Variants in GPC5 observed in about 807,000 individuals in gnomAD.
GPC5 encodes the protein glypican 5, also known as glypican-5.
In GPC5, 47 loss-of-function variants were observed where a neutral mutation model predicts 53.9. That is an observed-to-expected ratio of 0.87 (90% CI 0.69 to 1.11). The LOEUF is 1.11. GPC5 is among the 50% of genes most tolerant of loss of function. GPC5 has a pLI of 0.00. For missense variants in GPC5, 748 were observed against 713.1 expected, an observed-to-expected ratio of 1.05 and a Z score of -0.56; for synonymous variants, 286 against 263.3, an observed-to-expected ratio of 1.09 and a Z score of -0.84.
rs182620297 is a variant in GPC5, at chr13:92,550,292, C to T, written c.1562-315990C>T. Among the ~76,000 whole-genome samples the T allele has an allele frequency of 2.0e-3, 307 of 151,954 alleles. 8 individuals carry two copies. Among genetic ancestry groups the T allele is most frequent in the Admixed American group, 0.018 (282 of 15,244 alleles). On this transcript the variant is annotated intron_variant, in intron 7 of 7. Transcript: ENST00000377067. ...CATTATTATCCAGGTCAACAACCTA[C>T]ATTATTCATTAAATTACTCCATGGG... is the stretch of plus-strand genomic sequence containing the variant.
intron 2 of GPC5, among the ~76,000 whole-genome samples, chr13:91,497,382 T>C (rs1436833070): frequency 6.6e-6 from 1 of 152,196 alleles, no homozygotes; most frequent in East Asian, 1.9e-4. Flanking sequence ...CTAGCAACTT[T>C]GTTAATTCCT....
intron 5 of GPC5, among the ~76,000 whole-genome samples, chr13:91,855,065 C>T (rs1313760197): frequency 1.3e-5 from 2 of 151,716 alleles, no homozygotes; most frequent in Admixed American, 6.6e-5. Context: ...ATCTCTGTTA[C>T]TATTTTAAAA....
At chr13:92,733,133 A>AAGAT (rs1888851079) in intron 7 of GPC5, among the ~76,000 whole-genome samples, 1 of 151,740 alleles carries the variant, frequency 6.6e-6, no homozygotes, top group Admixed American at 6.6e-5. Context: ...TGGTTTGAAG[A>AAGAT]AGATAGAATT....
intron 6 of GPC5, among the ~76,000 whole-genome samples, chr13:92,074,113 G>C (rs746323234): frequency 1.6e-4 from 24 of 152,126 alleles, no homozygotes; most frequent in Non-Finnish European, 2.9e-4. Context: ...CTGAAACATC[G>C]TGAGTGAATA....
At position 92,165,168 on chromosome 13, in the gene GPC5, T is replaced by C. The variant is rs183817269; in HGVS notation, c.1561+20179T>C. ...TTAACATTTGGCTACTCATTACTTGTGCAAATTTCTGCAGTCTGCTTGAAT... is the reference window on the plus strand; with the variant it reads ...TTAACATTTGGCTACTCATTACTTGCGCAAATTTCTGCAGTCTGCTTGAAT... On this transcript the variant is annotated intron_variant, in intron 7 of 7. Transcript: ENST00000377067. Among the ~76,000 whole-genome samples the C allele has an allele frequency of 7.2e-5, 11 of 152,338 alleles. No individual in the cohort carries two copies. In the East Asian group the frequency reaches 2.1e-3, roughly 29 times the overall value.
chr13:92,761,821 G>A (rs184591961), intron 7 of GPC5, among the ~76,000 whole-genome samples: 93 of 151,968 alleles, frequency 6.1e-4, no homozygotes, highest in Middle Eastern at 3.4e-3. Context: ...CTTTATCTCC[G>A]AGATTTGGTT....
intron 6 of GPC5, 81 bp from the exon 7 acceptor site, chr13:92,144,749 A>T: frequency 7.3e-7 from 1 of 1,376,390 alleles, no homozygotes; most frequent in Non-Finnish European, 1.0e-6. Context: ...TAACAAAATA[A>T]TTCTAAATAA....
At chr13:92,350,953 G>C (rs1057358968) in intron 7 of GPC5, among the ~76,000 whole-genome samples, 1 of 151,956 alleles carries the variant, frequency 6.6e-6, no homozygotes, top group Non-Finnish European at 1.5e-5. Flanking sequence ...TAACTTGAAA[G>C]TTTTGATGAA....
chr13:91,811,484 G>A (rs2038311209), intron 5 of GPC5, among the ~76,000 whole-genome samples: 1 of 152,092 alleles, frequency 6.6e-6, no homozygotes, highest in African/African-American at 2.4e-5. Context: ...AAATAATTGT[G>A]TAGAGACAAT....
intron 2 of GPC5, among the ~76,000 whole-genome samples, chr13:91,465,896 A>G (rs1882206454): frequency 6.6e-6 from 1 of 152,222 alleles, no homozygotes; most frequent in Admixed American, 6.5e-5. Flanking sequence ...AATAAAAATA[A>G]CAGCTTCATC....
intron 5 of GPC5, among the ~76,000 whole-genome samples, chr13:91,856,991 A>G (rs1264542665): frequency 6.6e-6 from 1 of 150,516 alleles, no homozygotes; most frequent in African/African-American, 2.4e-5. Flanking sequence ...AAGTGATTCT[A>G]TCATTTATTG....
rs370219047 is a variant in GPC5 at position 92,151,719 on chromosome 13, T to C, written c.1561+6730T>C. Among the ~76,000 whole-genome samples the C allele has an allele frequency of 2.0e-5, 3 of 152,312 alleles. No homozygotes were observed. The South Asian group carries it at 6.2e-4, about 32-fold the overall frequency. On this transcript the variant is annotated intron_variant, in intron 7 of 7. Transcript: ENST00000377067. The stretch of plus-strand genomic sequence containing the variant: ...AGTACCTCTGGTATCTCAGCAGAAA[T>C]GTTTCACATTTATCAACTCTTCCAT...
intron 2 of GPC5, among the ~76,000 whole-genome samples, chr13:91,550,656 C>T (rs569724889): frequency 2.6e-5 from 4 of 152,058 alleles, no homozygotes; most frequent in Admixed American, 6.6e-5. Context: ...AGTAGCGTGG[C>T]CTTGAATAAA....
chr13:92,789,731 G>T (rs2098617838), intron 7 of GPC5, among the ~76,000 whole-genome samples: 1 of 151,980 alleles, frequency 6.6e-6, no homozygotes, highest in South Asian at 2.1e-4. Context: ...GAAACTGAAG[G>T]TGTCTTAGGG....
At chr13:91,721,660 C>G (rs2036477051) in intron 3 of GPC5, among the ~76,000 whole-genome samples, 1 of 152,144 alleles carries the variant, frequency 6.6e-6, no homozygotes, top group Non-Finnish European at 1.5e-5. Flanking sequence ...CTCCCCAGTA[C>G]TATGTGGCAT....
chr13:92,755,542 C>A (rs1340529180), intron 7 of GPC5, among the ~76,000 whole-genome samples: 4 of 151,466 alleles, frequency 2.6e-5, no homozygotes, highest in Admixed American at 6.6e-5. Context: ...AATCCAGGAG[C>A]TGGTTTTTTG....
chr13:91,663,682 T>C (rs2035039234), intron 2 of GPC5, among the ~76,000 whole-genome samples: 1 of 152,146 alleles, frequency 6.6e-6, no homozygotes, highest in Non-Finnish European at 1.5e-5. Context: ...AAGGATGGTC[T>C]CTAACTCCTG....
At chr13:92,118,924 A>G (rs2041622410) in intron 6 of GPC5, among the ~76,000 whole-genome samples, 1 of 152,216 alleles carries the variant, frequency 6.6e-6, no homozygotes, top group Non-Finnish European at 1.5e-5. Context: ...AAAGTAGAAG[A>G]AAAGGTTTTA....
intron 7 of GPC5, among the ~76,000 whole-genome samples, chr13:92,150,484 T>C (rs191599899): frequency 6.6e-6 from 1 of 152,044 alleles, no homozygotes; most frequent in South Asian, 2.1e-4. Flanking sequence ...TCCATTTTGG[T>C]TTCTAAATAA....
Sources: gnomAD v4.1 joint callset for allele counts (sites outside exome capture counted in the v4.1 genomes callset) on GRCh38, gnomAD v4.1.1 for gene constraint, MANE v1.5 for transcripts, NCBI Gene and HGNC (gene_info 2026-07-23, HGNC 2026-07-21) for gene names.